The following CBR4 variants were observed in gnomAD, a reference collection of about 807,000 sequenced individuals.
The protein encoded by CBR4 is carbonyl reductase 4.
A neutral mutation model predicts 21.0 loss-of-function variants in CBR4; 22 were observed. The observed-to-expected ratio is 1.05, with a 90% confidence interval of 0.75 to 1.50. The LOEUF (loss-of-function observed/expected upper bound fraction) is 1.50, where lower values mean the gene tolerates loss of function less well. Ranked by LOEUF, CBR4 falls within the 40% of genes most tolerant of loss-of-function variation. The probability of loss-of-function intolerance (pLI) is 0.00; values close to 1 mark genes in which losing one functional copy is unlikely to be tolerated. For missense variants in CBR4, 302 were observed against 286.3 expected (o/e 1.05, Z -0.40); for synonymous variants, 100 against 104.4 (o/e 0.96, Z 0.26).
chr4:168,951,671 A>G (rs1763544083), intron 2 of CBR4, among the ~76,000 whole-genome samples: 1 of 152,172 alleles, frequency 6.6e-6, no homozygotes, highest in Admixed American at 6.5e-5. Context: ...CACATACATG[A>G]TGCTTAGTTT....
rs1476437017 is a variant in CBR4 at position 168,987,724 on chromosome 4, T to C, written c.*2426A>G. The C allele has an allele frequency of 8.1e-6, 8 of 984,842 alleles. No homozygotes were observed. Among genetic ancestry groups the C allele is most frequent in the African/African-American group, 1.7e-5 (1 of 57,228 alleles). The allele number at this position is 984,842 out of a possible 1,614,324, so 61.0% of individuals were successfully genotyped here. On this transcript the variant is annotated 3_prime_UTR_variant, in exon 5 of 5. Coordinates refer to ENST00000306193, the MANE Select transcript of CBR4 (RefSeq NM_032783.5). ...TTTCACCAATGTTAAGGTACAACTCTTGAATATGCAGCGTAGTCTTCTCTC... is the reference window on the plus strand; with the variant it reads ...TTTCACCAATGTTAAGGTACAACTCCTGAATATGCAGCGTAGTCTTCTCTC...
At chr4:168,899,986 G>A (rs1386849621) in intron 2 of CBR4, among the ~76,000 whole-genome samples, 1 of 152,046 alleles carries the variant, frequency 6.6e-6, no homozygotes, top group African/African-American at 2.4e-5. Context: ...CAGAAGTGTA[G>A]TACCAGAATC....
chr4:168,929,088 G>A (rs1166074511), intron 2 of CBR4, among the ~76,000 whole-genome samples: 1 of 152,138 alleles, frequency 6.6e-6, no homozygotes, highest in Middle Eastern at 3.2e-3. Context: ...ACACACCAGT[G>A]CCATGACGTA....
intron 2 of CBR4, among the ~76,000 whole-genome samples, chr4:168,896,099 A>G (rs1276041238): frequency 6.6e-6 from 1 of 152,092 alleles, no homozygotes; most frequent in African/African-American, 2.4e-5. Context: ...AGTCCCAGCT[A>G]CGCGGGAGGC....
chr4:168,983,047 C>T (rs1764587350), downstream of CBR4, among the ~76,000 whole-genome samples: 1 of 151,914 alleles, frequency 6.6e-6, no homozygotes, highest in Admixed American at 6.6e-5. Flanking sequence ...CCAAAGCTAG[C>T]GGAAGAACAG....
At chr4:169,009,818 G>A (rs1366018693) in intron 1 of CBR4, 130 bp downstream of exon 1, 2 of 804,528 alleles carry the variant, frequency 2.5e-6, no homozygotes, top group Non-Finnish European at 3.8e-6. Flanking sequence ...GAACGGGAGA[G>A]CGCCTGCACG....
chr4:169,004,351 T>C (rs766365335), intron 3 of CBR4, among the ~76,000 whole-genome samples: 4 of 151,914 alleles, frequency 2.6e-5, no homozygotes, highest in Non-Finnish European at 5.9e-5. Flanking sequence ...ACTAAACAAT[T>C]GGATAAGACA....
At chr4:168,995,524 C>A (rs1240833639) in intron 4 of CBR4, among the ~76,000 whole-genome samples, 1 of 152,130 alleles carries the variant, frequency 6.6e-6, no homozygotes, top group Non-Finnish European at 1.5e-5. Flanking sequence ...ACCACACAGA[C>A]ATGGGCTGAC....
rs1012703333 is a variant in CBR4 at position 168,910,770 on chromosome 4, C to CT, written n.170-16006dup. 1.8e-3 allele frequency among the ~76,000 whole-genome samples: 277 copies of CT among 152,282 alleles called. 2 individuals are homozygous for CT. The highest frequency in any genetic ancestry group is 6.3e-3 in the African/African-American group (260 of 41,562). On this transcript the variant is annotated intron_variant and non_coding_transcript_variant, in intron 2 of 3. Coordinates refer to the CBR4 transcript ENST00000509108. ...AGGGACAGCAGAACTGGTTTACAAA[C>CT]TTAGACTGATTCCAGAGCTACTGAA...
chr4:168,972,280 C>T (rs149039194), intron 2 of CBR4, among the ~76,000 whole-genome samples: 72 of 152,216 alleles, frequency 4.7e-4, no homozygotes, highest in Non-Finnish European at 7.6e-4. Context: ...TTCGGTTCCA[C>T]ATGAATTTTA....
intron 2 of CBR4, among the ~76,000 whole-genome samples, chr4:168,968,831 C>G (rs1470011293): frequency 1.3e-5 from 2 of 152,214 alleles, no homozygotes; most frequent in Admixed American, 6.5e-5. Flanking sequence ...AGAGAAGGGT[C>G]AGTGGTTTCT....
intron 2 of CBR4, among the ~76,000 whole-genome samples, chr4:168,929,433 C>T (rs1762897520): frequency 6.6e-6 from 1 of 152,150 alleles, no homozygotes; most frequent in Admixed American, 6.5e-5. Flanking sequence ...GTCTTCTATA[C>T]CCCATGACTT....
At chr4:168,968,089 A>G (rs928120458) in intron 2 of CBR4, among the ~76,000 whole-genome samples, 11 of 27,066 alleles carry the variant, frequency 4.1e-4, no homozygotes, top group Non-Finnish European at 8.4e-4. Flanking sequence ...GCCACACCAA[A>G]AGCCAGCCAA....
At position 168,988,428 on chromosome 4, in the gene CBR4, T is replaced by C. The variant is rs966046805; in HGVS notation, c.*1722A>G. 3.0e-6 allele frequency: 3 copies of C among 985,300 alleles called. No individual in the cohort carries two copies. The South Asian group carries it at 1.4e-4, about 46-fold the overall frequency. The allele number at this position is 985,300 out of a possible 1,614,324, so 61.0% of individuals were successfully genotyped here. A position where few individuals can be genotyped will look rare whatever the true frequency, so the allele number is the denominator to read the frequency against. ...CCAATTGAATCAGCCTCGCTCATGA[T>C]TTCAGAGCATAAGGTGTCCAGAGAA... On this transcript the variant is annotated 3_prime_UTR_variant, in exon 5 of 5. Transcript: ENST00000306193.
intron 2 of CBR4, among the ~76,000 whole-genome samples, chr4:168,980,629 G>A (rs1204366703): frequency 2.0e-5 from 3 of 152,130 alleles, no homozygotes; most frequent in Admixed American, 6.5e-5. Context: ...CCAGCTACTC[G>A]GGAGGCTGAG....
chr4:169,000,014 A>T (rs976631219), intron 4 of CBR4, among the ~76,000 whole-genome samples: 1 of 152,172 alleles, frequency 6.6e-6, no homozygotes, highest in Non-Finnish European at 1.5e-5. Context: ...TGCATGAGTT[A>T]TTGTTAGCTA....
chr4:168,923,274 T>G (rs1393097729), intron 2 of CBR4, among the ~76,000 whole-genome samples: 1 of 152,216 alleles, frequency 6.6e-6, no homozygotes, highest in Non-Finnish European at 1.5e-5. Context: ...ACCTTCTAAC[T>G]AACTCGTGGT....
chr4:168,912,878 A>G (rs1759274477), intron 2 of CBR4, among the ~76,000 whole-genome samples: 1 of 151,932 alleles, frequency 6.6e-6, no homozygotes, highest in South Asian at 2.1e-4. Flanking sequence ...CGACCCCACC[A>G]CCCCGTCAAA....
chr4:168,934,293 A>C (rs1426587103), intron 2 of CBR4, among the ~76,000 whole-genome samples: 9 of 149,200 alleles, frequency 6.0e-5, no homozygotes, highest in African/African-American at 2.0e-4. Context: ...AAAAAAAAAA[A>C]AAAAAAAAAA....
Sources: gnomAD v4.1 joint callset for allele counts (sites outside exome capture counted in the v4.1 genomes callset) on GRCh38, gnomAD v4.1.1 for gene constraint, MANE v1.5 for transcripts, NCBI Gene and HGNC (gene_info 2026-07-23, HGNC 2026-07-21) for gene names.